Variants in CLIC4 observed in about 807,000 individuals in gnomAD.
CLIC4 encodes the protein CLIC family member 4, also known as chloride intracellular channel protein 4.
CLIC4 carries 13 observed loss-of-function variants against 24.6 expected under a neutral mutation model. The observed-to-expected ratio is 0.53, with a 90% CI of 0.34 to 0.84. The LOEUF is 0.84. Among genes scored for constraint, CLIC4 ranks in the 40% least tolerant of loss-of-function variants. The pLI, the probability that CLIC4 is intolerant of heterozygous loss-of-function variation, is 0.01. For missense variants in CLIC4, 227 were observed against 301.7 expected (o/e 0.75, Z 1.83); for synonymous variants, 104 against 111.3 (o/e 0.93, Z 0.41).
intron 1 of CLIC4, among the ~76,000 whole-genome samples, chr1:24,747,841 C>A (rs573253296): frequency 9.2e-5 from 14 of 152,044 alleles, no homozygotes; most frequent in South Asian, 2.1e-4. Context: ...TCGAGACCAG[C>A]CTGGCCAACA....
At chr1:24,830,308 G>A (rs1639827156) in intron 4 of CLIC4, among the ~76,000 whole-genome samples, 1 of 152,114 alleles carries the variant, frequency 6.6e-6, no homozygotes, top group East Asian at 1.9e-4. Context: ...CATACATTAT[G>A]CAGTTATACT....
chr1:24,771,557 T>C (rs1431757905), intron 1 of CLIC4, among the ~76,000 whole-genome samples: 1 of 152,152 alleles, frequency 6.6e-6, no homozygotes, highest in Non-Finnish European at 1.5e-5. Flanking sequence ...CCTTTATATA[T>C]AGGAGATAAT....
chr1:24,745,736 G>T, intron 1 of CLIC4, 111 bp downstream of exon 1: 1 of 805,208 alleles, frequency 1.2e-6, no homozygotes, highest in Non-Finnish European at 1.8e-6. Context: ...GCCAGCACCC[G>T]TCCCGCTGCG....
intron 1 of CLIC4, among the ~76,000 whole-genome samples, chr1:24,757,178 A>C (rs1342291241): frequency 2.0e-5 from 3 of 151,722 alleles, no homozygotes; most frequent in Non-Finnish European, 4.4e-5. Flanking sequence ...TACAGATGTG[A>C]GCCACCACGC....
chr1:24,827,984 T>G (rs1571264797), intron 4 of CLIC4, among the ~76,000 whole-genome samples: 1 of 152,248 alleles, frequency 6.6e-6, no homozygotes, highest in East Asian at 1.9e-4. Flanking sequence ...TAAAAATATT[T>G]ATCATAGTTC....
At chr1:24,766,471 C>A (rs891518208) in intron 1 of CLIC4, among the ~76,000 whole-genome samples, 7 of 72,786 alleles carry the variant, frequency 9.6e-5, no homozygotes, top group Non-Finnish European at 1.6e-4. Flanking sequence ...GTTGCCCAGA[C>A]GGTTTTTTTT....
chr1:24,805,262 C>G (rs1466200906), intron 2 of CLIC4, among the ~76,000 whole-genome samples: 2 of 151,848 alleles, frequency 1.3e-5, no homozygotes, highest in African/African-American at 4.8e-5. Flanking sequence ...AATTCTTTAA[C>G]TGGTTGAACT....
intron 3 of CLIC4, among the ~76,000 whole-genome samples, chr1:24,825,789 A>G (rs1215091805): frequency 6.6e-6 from 1 of 152,270 alleles, no homozygotes; most frequent in Non-Finnish European, 1.5e-5. Flanking sequence ...ACAACTTGCA[A>G]CTGAACTGAA....
At position 24,792,051 on chromosome 1, in the gene CLIC4, TA is replaced by T. The variant is rs61493384; in HGVS notation, c.73-5672del. Among the ~76,000 whole-genome samples the T allele has an allele frequency of 1.8e-3, 236 of 129,800 alleles. 2 individuals carry two copies. The highest frequency in any genetic ancestry group is 3.2e-3 in the African/African-American group (110 of 34,640). 85.2% of individuals were successfully genotyped at this position (129,800 alleles called of 152,430 possible). ...GCAACAGAGCGAGACTCCACCTAAT[TA>T]AAAAAAAAAAAAAAAAAAGAAATTT... On this transcript the variant is annotated intron_variant, in intron 1 of 5. Transcript: ENST00000374379.
At chr1:24,754,675 C>T (rs948028585) in intron 1 of CLIC4, among the ~76,000 whole-genome samples, 1 of 152,012 alleles carries the variant, frequency 6.6e-6, no homozygotes, top group Non-Finnish European at 1.5e-5. Flanking sequence ...TTTAGGGCAT[C>T]AGCTAGTGAA....
intron 2 of CLIC4, among the ~76,000 whole-genome samples, chr1:24,801,051 A>G (rs1160052809): frequency 1.8e-5 from 2 of 109,380 alleles, no homozygotes; most frequent in African/African-American, 7.0e-5. Context: ...AACACCCAAG[A>G]ATTATCAATA....
intron 2 of CLIC4, among the ~76,000 whole-genome samples, chr1:24,813,720 A>G (rs887370276): frequency 2.0e-4 from 30 of 148,004 alleles, no homozygotes; most frequent in Non-Finnish European, 4.5e-4. Flanking sequence ...TGCCCGGACA[A>G]TTTATTTATT....
At chr1:24,797,444 C>T (rs933370312) in intron 1 of CLIC4, among the ~76,000 whole-genome samples, 9 of 150,792 alleles carry the variant, frequency 6.0e-5, no homozygotes, top group Non-Finnish European at 7.4e-5. Context: ...GATGGTGGTA[C>T]GTGCCTGTAG....
In CLIC4 at chr1:24,843,160, G is replaced by T. The variant is rs1336284383; in HGVS notation, c.*2223G>T. On this transcript the variant is annotated 3_prime_UTR_variant, in exon 6 of 6. Coordinates refer to ENST00000374379, the MANE Select transcript of CLIC4 (RefSeq NM_013943.3). Reference sequence around the variant, plus strand: ...GCATGTCTATTGTGATTTTGATGAAGACAGAATTATTTTTCTCTGTAGAAA... The same window carrying T: ...GCATGTCTATTGTGATTTTGATGAATACAGAATTATTTTTCTCTGTAGAAA... 6.6e-6 allele frequency: 1 copy of T among 152,166 alleles called. No homozygotes were observed. Among genetic ancestry groups the T allele is most frequent in the African/African-American group, 2.4e-5 (1 of 41,442 alleles). The allele number at this position is 152,166 out of a possible 1,614,324, so 9.4% of individuals were successfully genotyped here. A position where few individuals can be genotyped will look rare whatever the true frequency, so the allele number is the denominator to read the frequency against.
intron 1 of CLIC4, among the ~76,000 whole-genome samples, chr1:24,771,123 GAGA>G (rs1260753355): frequency 6.6e-6 from 1 of 152,130 alleles, no homozygotes; most frequent in Non-Finnish European, 1.5e-5. Context: ...TGCTTCTGAA[GAGA>G]AGAACTATAT....
At position 24,784,894 on chromosome 1, in the gene CLIC4, C is replaced by T. The variant is rs918789987; in HGVS notation, c.73-12848C>T. Among the ~76,000 whole-genome samples the T allele has an allele frequency of 2.6e-5, 4 of 151,654 alleles. No individual in the cohort carries two copies. In the East Asian group the frequency reaches 5.8e-4, roughly 22 times the overall value. On this transcript the variant is annotated intron_variant, in intron 1 of 5. Transcript: ENST00000374379. The stretch of plus-strand genomic sequence containing the variant: ...TGGCGTGCATCTGTAGTCCCAGCTA[C>T]TCAGGAGGCTGAGGCTGGAGAATGG...
intron 4 of CLIC4, among the ~76,000 whole-genome samples, chr1:24,832,199 G>T (rs1393192983): frequency 1.1e-4 from 1 of 9,346 alleles, no homozygotes; most frequent in African/African-American, 1.5e-4. Context: ...TTATGTTTTT[G>T]ATTTTTTATT....
rs538216625 is a variant in CLIC4, at chr1:24,758,309, C to CT, written c.72+12698dup. ...AGTTGTTGCTATTGTATGTCCTAGTCTTTTTTTTTTTTTTCCTCGTTCTTT... is the reference window on the plus strand; with the variant it reads ...AGTTGTTGCTATTGTATGTCCTAGTCTTTTTTTTTTTTTTTCCTCGTTCTTT... On this transcript the variant is annotated intron_variant, in intron 1 of 5. Coordinates refer to ENST00000374379, the MANE Select transcript of CLIC4 (RefSeq NM_013943.3). 8.4e-3 allele frequency among the ~76,000 whole-genome samples: 1,194 copies of CT among 142,086 alleles called. 16 individuals carry two copies. The highest frequency in any genetic ancestry group is 0.026 in the African/African-American group (1,006 of 39,060). 93.2% of individuals were successfully genotyped at this position (142,086 alleles called of 152,430 possible). A position where few individuals can be genotyped will look rare whatever the true frequency, so the allele number is the denominator to read the frequency against.
At chr1:24,821,834 C>T (rs1005176864) in intron 3 of CLIC4, among the ~76,000 whole-genome samples, 5 of 152,174 alleles carry the variant, frequency 3.3e-5, no homozygotes, top group Non-Finnish European at 1.5e-5. Flanking sequence ...CATCTGCCCA[C>T]CTCAGCCTCC....
Sources: allele counts gnomAD v4.1 joint callset (sites outside exome capture counted in the v4.1 genomes callset), GRCh38; gene constraint gnomAD v4.1.1; transcripts MANE v1.5; gene names NCBI Gene and HGNC (gene_info 2026-07-23, HGNC 2026-07-21).